The following PCDH11Y variants were observed in gnomAD, a reference collection of about 807,000 sequenced individuals.
PCDH11Y encodes the protein protocadherin 11 Y-linked.
For missense variants in PCDH11Y, 12 were observed against 224.8 expected (o/e 0.05, Z 6.05); for synonymous variants, 9 against 83.6 (o/e 0.11, Z 4.87).
At chrY:5,703,078 A>T in intron 4 of PCDH11Y, among the ~76,000 whole-genome samples, 2 of 33,517 alleles carry the variant, frequency 6.0e-5, no homozygotes, top group Admixed American at 2.7e-4. Flanking sequence ...TTGGAAATTA[A>T]ACAATATACT....
chrY:5,244,742 G>A, intron 2 of PCDH11Y, among the ~76,000 whole-genome samples: 2 of 34,217 alleles, frequency 5.8e-5, no homozygotes, highest in Non-Finnish European at 1.5e-4. Context: ...CAGTCTTCCC[G>A]TGGGAGCGCA....
At chrY:5,558,407 G>C (rs2053425441) in intron 3 of PCDH11Y, among the ~76,000 whole-genome samples, 8 of 10,445 alleles carry the variant, frequency 7.7e-4, no homozygotes, top group Admixed American at 1.3e-3. Context: ...TTTGGAACTT[G>C]ATGTTCCTCT....
At chrY:5,448,907 A>T in intron 2 of PCDH11Y, among the ~76,000 whole-genome samples, 1 of 33,265 alleles carries the variant, frequency 3.0e-5, no homozygotes, top group Admixed American at 2.7e-4. Context: ...ACAATATAGT[A>T]CTCTAAATGA....
intron 2 of PCDH11Y, among the ~76,000 whole-genome samples, chrY:5,154,985 T>C: frequency 3.1e-5 from 1 of 32,592 alleles, no homozygotes; most frequent in African/African-American, 1.2e-4. Flanking sequence ...AGCACTAAAA[T>C]TGAAAAAGCA....
At chrY:5,248,373 T>TC (rs2052999714) in intron 2 of PCDH11Y, among the ~76,000 whole-genome samples, 1 of 30,220 alleles carries the variant, frequency 3.3e-5, no homozygotes, top group Non-Finnish European at 7.9e-5. Flanking sequence ...AAAAAGTCTA[T>TC]CCACCACAAT....
intron 2 of PCDH11Y, among the ~76,000 whole-genome samples, chrY:5,354,595 G>A (rs1602910046): frequency 3.1e-5 from 1 of 32,343 alleles, no homozygotes; most frequent in African/African-American, 1.2e-4. Context: ...ACACGCACAC[G>A]CACACATACA....
rs369857939 is a variant in PCDH11Y, at chrY:5,583,773, C to T, written c.3352+1975C>T. ...CTGATATGTTGTTGGATTTTGGATA[C>T]GAAATCAACATACAAAATTACTAAA... On this transcript the variant is annotated intron_variant, in intron 4 of 4. Coordinates refer to the PCDH11Y transcript ENST00000400457. Among the ~76,000 whole-genome samples the T allele has an allele frequency of 3.9e-3, 82 of 21,097 alleles. No homozygotes were observed. In the South Asian group the frequency reaches 0.066, roughly 17 times the overall value. 56.6% of individuals were successfully genotyped at this position (21,097 alleles called of 37,273 possible). A position where few individuals can be genotyped will look rare whatever the true frequency, so the allele number is the denominator to read the frequency against.
chrY:5,709,192 C>A (rs2053584922), intron 4 of PCDH11Y, among the ~76,000 whole-genome samples: 1 of 30,815 alleles, frequency 3.2e-5, no homozygotes, highest in Non-Finnish European at 7.8e-5. Context: ...CCACCCCAAG[C>A]AATCAGCAAT....
chrY:5,255,956 G>T (rs2124657466), intron 2 of PCDH11Y, among the ~76,000 whole-genome samples: 2 of 32,702 alleles, frequency 6.1e-5, no homozygotes, highest in East Asian at 1.6e-3. Flanking sequence ...TTTATCAGAT[G>T]TGTAGCTTTT....
At chrY:5,061,692 T>C (rs2124629031) in intron 1 of PCDH11Y, among the ~76,000 whole-genome samples, 2 of 33,158 alleles carry the variant, frequency 6.0e-5, no homozygotes, top group South Asian at 1.4e-3. Context: ...CCAGTGACAG[T>C]GTGCTGATTG....
At chrY:5,288,540 G>T in intron 2 of PCDH11Y, among the ~76,000 whole-genome samples, 1 of 29,678 alleles carries the variant, frequency 3.4e-5, no homozygotes. Context: ...TTCCCTGTCT[G>T]CAGCCACAAC....
At chrY:5,206,317 G>A in intron 2 of PCDH11Y, among the ~76,000 whole-genome samples, 1 of 29,665 alleles carries the variant, frequency 3.4e-5, no homozygotes, top group Non-Finnish European at 8.0e-5. Flanking sequence ...CAGGCAAAAA[G>A]AGAGCTTGTG....
At chrY:5,323,293 G>A in intron 2 of PCDH11Y, among the ~76,000 whole-genome samples, 9 of 27,898 alleles carry the variant, frequency 3.2e-4, no homozygotes, top group Admixed American at 1.0e-3. Context: ...TGCCTCCTGG[G>A]TTCAAGCAAT....
chrY:5,070,036 A>G lies in PCDH11Y; in HGVS notation c.636+12577A>G, dbSNP rs199609043. On this transcript the variant is annotated intron_variant, in intron 1 of 1. Coordinates refer to ENST00000215473, the Ensembl canonical transcript of PCDH11Y. ...CTGTTTTTCTCCATTCATCAACAGT[A>G]CAAAATGTGCTGTCACCCATAATAG... Among the ~76,000 whole-genome samples, 58 of 33,514 alleles carry G rather than the reference A, an allele frequency of 1.7e-3. No homozygotes were observed. The East Asian group carries it at 0.046, about 27-fold the overall frequency. The allele number at this position is 33,514 out of a possible 37,273, so 89.9% of individuals were successfully genotyped here.
intron 3 of PCDH11Y, among the ~76,000 whole-genome samples, chrY:5,530,975 A>AT (rs1266020762): frequency 0.03 from 502 of 16,990 alleles, no homozygotes; most frequent in South Asian, 0.091. Context: ...CTTTTCTTCC[A>AT]TTTTTTTTTT....
chrY:5,327,066 C>T (rs71218288), intron 2 of PCDH11Y, among the ~76,000 whole-genome samples: 4 of 32,900 alleles, frequency 1.2e-4, no homozygotes, highest in African/African-American at 4.8e-4. Flanking sequence ...AGGGAAAGCA[C>T]GTGTGTTTTT....
intron 2 of PCDH11Y, among the ~76,000 whole-genome samples, chrY:5,138,934 A>G: frequency 3.1e-5 from 1 of 32,544 alleles, no homozygotes; most frequent in Non-Finnish European, 7.6e-5. Flanking sequence ...AAAGGACGTA[A>G]CAAAAAAAGA....
At chrY:5,500,090 C>T in intron 2 of PCDH11Y, among the ~76,000 whole-genome samples, 1 of 29,970 alleles carries the variant, frequency 3.3e-5, no homozygotes, top group African/African-American at 1.3e-4. Context: ...AGCTTCCCCA[C>T]AGTATGGCAT....
intron 3 of PCDH11Y, among the ~76,000 whole-genome samples, chrY:5,531,872 G>A: frequency 1.3e-4 from 4 of 31,455 alleles, no homozygotes; most frequent in East Asian, 8.3e-4. Context: ...TCAGCCTCTC[G>A]TGTAGCTAGG....
Sources: allele counts gnomAD v4.1 joint callset (sites outside exome capture counted in the v4.1 genomes callset), GRCh38; gene constraint gnomAD v4.1.1; transcripts MANE v1.5; gene names NCBI Gene and HGNC (gene_info 2026-07-23, HGNC 2026-07-21).